HACL1: variants seen among roughly 807,000 people sequenced by gnomAD.
HACL1 encodes 1600020H07Rik.
In HACL1, 64 loss-of-function variants were observed where a neutral mutation model predicts 74.2. The observed-to-expected ratio is 0.86, with a 90% confidence interval of 0.70 to 1.06. The LOEUF (loss-of-function observed/expected upper bound fraction) is 1.06, where lower values mean the gene tolerates loss of function less well. HACL1 is among the 50% of genes least tolerant of loss of function. The probability of loss-of-function intolerance (pLI) is 0.00; values close to 1 mark genes in which losing one functional copy is unlikely to be tolerated. For missense variants in HACL1, 728 were observed against 719.7 expected (o/e 1.01, Z -0.13); for synonymous variants, 230 against 238.8 (o/e 0.96, Z 0.34).
intron 5 of HACL1, among the ~76,000 whole-genome samples, chr3:15,588,912 A>C (rs887671504): frequency 4.6e-5 from 7 of 152,138 alleles, no homozygotes; most frequent in Non-Finnish European, 1.0e-4. Context: ...AAAGTCTGGG[A>C]GGCATAGTCC....
intron 15 of HACL1, among the ~76,000 whole-genome samples, 196 bp from the exon 16 acceptor site, chr3:15,563,740 A>G (rs1383360411): frequency 6.6e-6 from 1 of 152,216 alleles, no homozygotes; most frequent in Non-Finnish European, 1.5e-5. Flanking sequence ...TGTCCAGTAG[A>G]ACTTTCTGTG....
In HACL1 at chr3:15,589,437, C is replaced by T. The variant is rs539949721; in HGVS notation, c.381+103G>A. The T allele has an allele frequency of 3.6e-4, 252 of 690,582 alleles. 1 individual carries two copies. The South Asian group carries it at 4.2e-3, about 12-fold the overall frequency. The allele number at this position is 690,582 out of a possible 1,614,324, so 42.8% of individuals were successfully genotyped here. A position where few individuals can be genotyped will look rare whatever the true frequency, so the allele number is the denominator to read the frequency against. The stretch of plus-strand genomic sequence containing the variant: ...GCTTGAGGTCAGGAGGTCAAGACTG[C>T]AGTGAGCTGAGATGGCACCACTGCA... On this transcript the variant is annotated intron_variant, in intron 5 of 16. Transcript: ENST00000321169.
At chr3:15,589,945 G>A (rs1202598097) in intron 4 of HACL1, among the ~76,000 whole-genome samples, 1 of 152,090 alleles carries the variant, frequency 6.6e-6, no homozygotes, top group Non-Finnish European at 1.5e-5. Context: ...TGAGGTAGAA[G>A]AATTGCTTGA....
rs571368062 is a variant in HACL1 at position 15,592,993 on chromosome 3, C to T, written c.228-1313G>A. Among the ~76,000 whole-genome samples the T allele has an allele frequency of 2.3e-5, 3 of 131,250 alleles. 1 individual carries two copies. Among genetic ancestry groups the T allele is most frequent in the Non-Finnish European group, 3.3e-5 (2 of 59,930 alleles). 86.1% of individuals were successfully genotyped at this position (131,250 alleles called of 152,430 possible). On this transcript the variant is annotated intron_variant, in intron 3 of 16. Transcript: ENST00000321169. ...ACATGTGTGCGTGTATACACATGTACGCACATGTGTGCGTGTATACACATG... is the reference window on the plus strand; with the variant it reads ...ACATGTGTGCGTGTATACACATGTATGCACATGTGTGCGTGTATACACATG...
At chr3:15,592,575 C>T (rs1404246096) in intron 3 of HACL1, among the ~76,000 whole-genome samples, 6 of 142,670 alleles carry the variant, frequency 4.2e-5, no homozygotes, top group Non-Finnish European at 9.2e-5. Context: ...CACATGTACG[C>T]ACATGTGTGC....
chr3:15,586,673 GT>G, intron 5 of HACL1, 71 bp from the exon 6 acceptor site: 1 of 857,782 alleles, frequency 1.2e-6, no homozygotes, highest in South Asian at 1.4e-5. Flanking sequence ...AAGACAAAAT[GT>G]TAAGTCATTA....
In HACL1 at chr3:15,567,752, C is replaced by T. The variant is rs573852168; in HGVS notation, c.1409+92G>A. 7.6e-5 allele frequency: 90 copies of T among 1,179,310 alleles called. No homozygotes were observed. The Admixed American group carries it at 9.4e-4, about 12-fold the overall frequency. The allele number at this position is 1,179,310 out of a possible 1,614,324, so 73.1% of individuals were successfully genotyped here. A position where few individuals can be genotyped will look rare whatever the true frequency, so the allele number is the denominator to read the frequency against. ...TGCTGTGCACAGGGCACCTGGTGAA[C>T]GCTTCATAAGTATTTGTCAGGTGAC... On this transcript the variant is annotated intron_variant, in intron 14 of 16. Transcript: ENST00000321169.
intron 2 of HACL1, among the ~76,000 whole-genome samples, chr3:15,600,597 C>T (rs544301690): frequency 9.8e-4 from 149 of 152,342 alleles, no homozygotes; most frequent in Non-Finnish European, 1.8e-3. Context: ...TGATATCCTC[C>T]ACCCTGCCCC....
At chr3:15,564,445 C>A (rs1428515224) in intron 15 of HACL1, 106 bp downstream of exon 15, 2 of 641,240 alleles carry the variant, frequency 3.1e-6, no homozygotes, top group East Asian at 2.9e-5. Context: ...TCGAAACGGA[C>A]AATACTCATA....
intron 3 of HACL1, among the ~76,000 whole-genome samples, chr3:15,591,936 CGTGTATATATACACACACTATATACATA>C (rs1378626951): frequency 6.7e-6 from 1 of 148,408 alleles, no homozygotes; most frequent in African/African-American, 2.5e-5. Flanking sequence ...TACGTATATA[CGTGTATATATACACACACTATATACATA>C]GTGTATATAT....
intron 14 of HACL1, 81 bp from the exon 15 acceptor site, chr3:15,564,739 A>C: frequency 1.6e-6 from 1 of 623,476 alleles, no homozygotes; most frequent in Non-Finnish European, 2.8e-6. Flanking sequence ...CTTTAACTTA[A>C]AAATGAATAG....
intron 9 of HACL1, among the ~76,000 whole-genome samples, chr3:15,576,605 G>A (rs1574921170): frequency 6.6e-6 from 1 of 152,104 alleles, no homozygotes; most frequent in East Asian, 1.9e-4. Flanking sequence ...AACACATACA[G>A]TTGCTGTTAT....
Position 15,601,172 on chromosome 3 carries a change from A to C in HACL1, c.104T>G (p.Ile35Ser). The C allele has an allele frequency of 6.2e-7, 1 of 1,613,146 alleles. No homozygotes were observed. Among genetic ancestry groups the C allele is most frequent in the Non-Finnish European group, 8.5e-7 (1 of 1,179,078 alleles). ...KTQDVEYIFG[I>S]VGIPVTEIAI... is the part of the protein sequence containing the mutation. ...GATTTCGGTCACTGGGATGCCTACG[A>C]TGCCAAATATGTACTCCACATCCTG... Residue 35 changes from isoleucine to serine, a missense_variant, in exon 2 of 17, where the codon ATC becomes AGC. Coordinates refer to ENST00000321169, the MANE Select transcript of HACL1 (RefSeq NM_012260.4).
chr3:15,599,300 G>A (rs1030855421), intron 2 of HACL1, among the ~76,000 whole-genome samples: 1 of 152,190 alleles, frequency 6.6e-6, no homozygotes, highest in Non-Finnish European at 1.5e-5. Flanking sequence ...GCTTATAGGG[G>A]CTGAAATAAA....
At chr3:15,583,686 C>A (rs2063748215) in intron 7 of HACL1, among the ~76,000 whole-genome samples, 1 of 142,918 alleles carries the variant, frequency 7.0e-6, no homozygotes, top group Admixed American at 7.2e-5. Context: ...GAGACAGAGT[C>A]TTACTCTGTC....
chr3:15,592,199 T>C (rs55948762), intron 3 of HACL1, among the ~76,000 whole-genome samples: 17,974 of 143,196 alleles, frequency 0.13, 2,774 homozygotes, highest in African/African-American at 0.3. Flanking sequence ...TACGTATATA[T>C]GTATACATGC....
At chr3:15,563,660 A>G in intron 15 of HACL1, 116 bp from the exon 16 acceptor site, 1 of 633,400 alleles carries the variant, frequency 1.6e-6, no homozygotes, top group South Asian at 2.0e-5. Flanking sequence ...GCATACTTTT[A>G]TCTTCAACAC....
intron 16 of HACL1, among the ~76,000 whole-genome samples, chr3:15,562,873 C>T (rs1200354364): frequency 6.6e-6 from 1 of 152,190 alleles, no homozygotes; most frequent in Non-Finnish European, 1.5e-5. Context: ...CTTCCTCTTT[C>T]CTCTTGCTAC....
Position 15,601,399 on chromosome 3 carries a change from T to C in HACL1, c.65A>G (p.Gln22Arg). The change falls in exon 1 of 17, where the codon CAG becomes CGG. Residue 22 changes from glutamine to arginine, a missense_variant. By Grantham distance (43) the Gln-to-Arg change is conservative. Coordinates refer to ENST00000321169, the MANE Select transcript of HACL1 (RefSeq NM_012260.4). ...EQVSGAKVIA[Q>R]ALKTQDVEYI... Reference sequence around the variant, plus strand: ...CCATCGTACTTGCGTTTTCAGGGCCTGAGCGATGACTTTAGCACCAGACAC... The same window carrying C: ...CCATCGTACTTGCGTTTTCAGGGCCCGAGCGATGACTTTAGCACCAGACAC... 6.2e-7 allele frequency: 1 copy of C among 1,614,126 alleles called. No homozygotes were observed. Among genetic ancestry groups the C allele is most frequent in the Non-Finnish European group, 8.5e-7 (1 of 1,180,032 alleles).
Sources: allele counts gnomAD v4.1 joint callset (sites outside exome capture counted in the v4.1 genomes callset), GRCh38; gene constraint gnomAD v4.1.1; transcripts MANE v1.5; gene names NCBI Gene and HGNC (gene_info 2026-07-23, HGNC 2026-07-21).